The following ESR1 variants were observed in gnomAD, a reference collection of about 807,000 sequenced individuals.
The protein encoded by ESR1 is estrogen receptor 1.
A neutral mutation model predicts 52.7 loss-of-function variants in ESR1; 12 were observed. The ratio of observed to expected loss-of-function variants is 0.23; its 90% CI spans 0.15 to 0.37. The LOEUF (loss-of-function observed/expected upper bound fraction) is 0.37, where lower values mean the gene tolerates loss of function less well. Among genes scored for constraint, ESR1 ranks in the 10% least tolerant of loss-of-function variants. The probability of loss-of-function intolerance (pLI) is 1.00; values close to 1 mark genes in which losing one functional copy is unlikely to be tolerated. For synonymous variants in ESR1, 305 were observed against 316.8 expected (o/e 0.96, Z 0.39); for missense variants, 584 against 779.7 (o/e 0.75, Z 2.99).
At chr6:152,017,215 A>G (rs1006144685) in intron 5 of ESR1, among the ~76,000 whole-genome samples, 4 of 152,184 alleles carry the variant, frequency 2.6e-5, no homozygotes, top group Non-Finnish European at 4.4e-5. Flanking sequence ...TTTAAAAAGA[A>G]TGATTGCTTG....
At chr6:152,060,379 G>A (rs2047452445) in intron 5 of ESR1, among the ~76,000 whole-genome samples, 1 of 151,984 alleles carries the variant, frequency 6.6e-6, no homozygotes, top group South Asian at 2.1e-4. Context: ...CTCTTCCAAG[G>A]AGGCATTCAC....
chr6:151,931,962 A>G (rs1261240288), intron 3 of ESR1, among the ~76,000 whole-genome samples: 1 of 148,384 alleles, frequency 6.7e-6, no homozygotes, highest in African/African-American at 2.5e-5. Flanking sequence ...ATTTGGGCAT[A>G]TACCCAGTAA....
intron 2 of ESR1, among the ~76,000 whole-genome samples, chr6:151,709,511 G>C (rs559745029): frequency 2.0e-5 from 3 of 152,296 alleles, no homozygotes; most frequent in African/African-American, 7.2e-5. Context: ...TAGTGGGACT[G>C]CTGAGTCATT....
intron 3 of ESR1, among the ~76,000 whole-genome samples, chr6:151,924,083 G>A (rs11966313): frequency 0.17 from 26,360 of 152,044 alleles, 3,532 homozygotes; most frequent in African/African-American, 0.37. Context: ...TCGCTCTGTC[G>A]CCCAGGCTGG....
chr6:151,876,582 A>G (rs1791857237), intron 2 of ESR1, among the ~76,000 whole-genome samples: 1 of 152,168 alleles, frequency 6.6e-6, no homozygotes, highest in Non-Finnish European at 1.5e-5. Context: ...GCTGCTACCA[A>G]AGGAGGGAAA....
chr6:151,741,144 G>A (rs1783065256), intron 2 of ESR1, among the ~76,000 whole-genome samples: 1 of 152,076 alleles, frequency 6.6e-6, no homozygotes, highest in Admixed American at 6.6e-5. Flanking sequence ...TCTATCCTTT[G>A]TGCCCTGATG....
chr6:151,670,902 G>T (rs528540331), intron 1 of ESR1, among the ~76,000 whole-genome samples: 42 of 151,690 alleles, frequency 2.8e-4, no homozygotes, highest in African/African-American at 1.0e-3. Flanking sequence ...CCGAGTAGCT[G>T]GGATTACAGG....
At chr6:151,979,748 T>C (rs1257198907) in intron 4 of ESR1, among the ~76,000 whole-genome samples, 1 of 152,200 alleles carries the variant, frequency 6.6e-6, no homozygotes, top group Non-Finnish European at 1.5e-5. Flanking sequence ...GTTTGCAATG[T>C]TGCTTTTTTT....
At chr6:151,880,855 G>T in intron 3 of ESR1, 84 bp downstream of exon 3, 2 of 747,004 alleles carry the variant, frequency 2.7e-6, no homozygotes, top group African/African-American at 1.8e-5. Flanking sequence ...TAACACCATG[G>T]GAATTTTGTG....
At chr6:151,967,091 T>C (rs1430312844) in intron 4 of ESR1, among the ~76,000 whole-genome samples, 1 of 152,336 alleles carries the variant, frequency 6.6e-6, no homozygotes, top group South Asian at 2.1e-4. Flanking sequence ...TCCTTTTTCA[T>C]TGCAGTTTTC....
chr6:151,751,406 C>A (rs1362053404), intron 2 of ESR1, among the ~76,000 whole-genome samples: 2 of 152,172 alleles, frequency 1.3e-5, no homozygotes, highest in African/African-American at 2.4e-5. Flanking sequence ...CCAGTGACTC[C>A]TTTCTGATAA....
chr6:151,809,927 T>C (rs972901361), intron 1 of ESR1, among the ~76,000 whole-genome samples: 1 of 152,114 alleles, frequency 6.6e-6, no homozygotes, highest in Non-Finnish European at 1.5e-5. Flanking sequence ...CCACACAACA[T>C]TTAAAACTGC....
intron 5 of ESR1, among the ~76,000 whole-genome samples, chr6:152,020,422 A>G (rs541459837): frequency 3.9e-5 from 6 of 152,036 alleles, no homozygotes; most frequent in Middle Eastern, 6.8e-3. Context: ...GATCTCTTCT[A>G]TGACAACAGT....
At chr6:151,776,357 C>T (rs896160269) in intron 2 of ESR1, among the ~76,000 whole-genome samples, 2 of 152,198 alleles carry the variant, frequency 1.3e-5, no homozygotes, top group Non-Finnish European at 2.9e-5. Flanking sequence ...GACATTTTAT[C>T]AGAGATAACA....
intron 3 of ESR1, among the ~76,000 whole-genome samples, chr6:151,918,669 T>C (rs2128456997): frequency 6.6e-6 from 1 of 152,308 alleles, no homozygotes. Flanking sequence ...AGTAGCATGG[T>C]GGAAAAGTTG....
At chr6:151,982,244 G>T (rs138367785) in intron 4 of ESR1, among the ~76,000 whole-genome samples, 7 of 152,316 alleles carry the variant, frequency 4.6e-5, no homozygotes, top group East Asian at 3.9e-4. Context: ...TGGCCACCTG[G>T]CTCGAAGCTC....
At chr6:152,079,284 A>G (rs1189416394) in intron 6 of ESR1, among the ~76,000 whole-genome samples, 5 of 152,202 alleles carry the variant, frequency 3.3e-5, no homozygotes, top group African/African-American at 1.2e-4. Flanking sequence ...AAGCTTCCAG[A>G]GGAAGGATCA....
At chr6:152,032,405 G>C (rs566683946) in intron 5 of ESR1, among the ~76,000 whole-genome samples, 3 of 152,140 alleles carry the variant, frequency 2.0e-5, no homozygotes, top group African/African-American at 7.2e-5. Flanking sequence ...TCGTCTCAGC[G>C]CAAAATCTCC....
intron 1 of ESR1, among the ~76,000 whole-genome samples, chr6:151,675,076 A>G (rs961812498): frequency 6.6e-6 from 1 of 152,230 alleles, no homozygotes; most frequent in Non-Finnish European, 1.5e-5. Context: ...GAAGTTATTA[A>G]TAGAAATAAC....
Sources: gnomAD v4.1 joint callset for allele counts (sites outside exome capture counted in the v4.1 genomes callset) on GRCh38, gnomAD v4.1.1 for gene constraint, MANE v1.5 for transcripts, NCBI Gene and HGNC (gene_info 2026-07-23, HGNC 2026-07-21) for gene names.